CNTNAP2: variants seen among roughly 807,000 people sequenced by gnomAD.
CNTNAP2 encodes the protein contactin associated protein 2.
CNTNAP2 carries 98 observed loss-of-function variants against 155.2 expected under a neutral mutation model. That is an observed-to-expected ratio of 0.63 (90% CI 0.54 to 0.75). CNTNAP2 has a LOEUF of 0.75. Ranked by LOEUF, CNTNAP2 falls within the 30% of genes least tolerant of loss-of-function variation. The pLI is 0.00. For missense variants in CNTNAP2, 1,727 were observed against 1,688.1 expected, an observed-to-expected ratio of 1.02 and a Z score of -0.40; for synonymous variants, 651 against 631.2, an observed-to-expected ratio of 1.03 and a Z score of -0.47.
chr7:147,422,281 C>T (rs1050968373), intron 10 of CNTNAP2, among the ~76,000 whole-genome samples: 7 of 150,202 alleles, frequency 4.7e-5, no homozygotes, highest in Non-Finnish European at 7.4e-5. Flanking sequence ...TATATACACA[C>T]ACACTGAGCA....
intron 1 of CNTNAP2, among the ~76,000 whole-genome samples, chr7:146,264,676 G>C (rs1438507353): frequency 6.6e-6 from 1 of 152,286 alleles, no homozygotes; most frequent in East Asian, 1.9e-4. Flanking sequence ...TGAAATAATA[G>C]GGTAAAGTGC....
chr7:146,730,213 T>G (rs1801499715), intron 1 of CNTNAP2, among the ~76,000 whole-genome samples: 1 of 152,080 alleles, frequency 6.6e-6, no homozygotes, highest in African/African-American at 2.4e-5. Context: ...AATAAATAGA[T>G]TTTATAACTT....
intron 1 of CNTNAP2, among the ~76,000 whole-genome samples, chr7:146,310,710 C>G (rs1800805230): frequency 6.6e-6 from 1 of 152,106 alleles, no homozygotes; most frequent in Non-Finnish European, 1.5e-5. Context: ...AAAGTAGCAA[C>G]TTGTAGTCAG....
intron 1 of CNTNAP2, among the ~76,000 whole-genome samples, chr7:146,386,509 C>T (rs1466857035): frequency 1.3e-5 from 2 of 152,208 alleles, no homozygotes; most frequent in Non-Finnish European, 2.9e-5. Context: ...CTACCTCAGC[C>T]TCCCGAGTAG....
chr7:148,369,254 A>G (rs1008001023), intron 21 of CNTNAP2, among the ~76,000 whole-genome samples: 1 of 114,582 alleles, frequency 8.7e-6, no homozygotes, highest in East Asian at 3.0e-4. Flanking sequence ...GCTGGAACGC[A>G]GTGCTGTGAT....
intron 18 of CNTNAP2, among the ~76,000 whole-genome samples, chr7:148,184,070 A>G (rs1795080128): frequency 1.3e-5 from 2 of 152,076 alleles, no homozygotes; most frequent in Non-Finnish European, 2.9e-5. Flanking sequence ...AACCTAGTGG[A>G]CACCTTCCCC....
chr7:147,603,795 G>A (rs1175224039), intron 12 of CNTNAP2, among the ~76,000 whole-genome samples: 2 of 152,272 alleles, frequency 1.3e-5, no homozygotes, highest in Middle Eastern at 3.4e-3. Flanking sequence ...CAAAGCTGGA[G>A]GCATCATGCT....
chr7:146,431,044 C>T (rs1796166363), intron 1 of CNTNAP2, among the ~76,000 whole-genome samples: 1 of 151,912 alleles, frequency 6.6e-6, no homozygotes, highest in South Asian at 2.1e-4. Flanking sequence ...ACAGTATCAT[C>T]CTCAGTGTTA....
At chr7:147,197,729 T>C (rs1802834497) in intron 8 of CNTNAP2, among the ~76,000 whole-genome samples, 1 of 152,256 alleles carries the variant, frequency 6.6e-6, no homozygotes, top group Admixed American at 6.5e-5. Flanking sequence ...CTGACTCTTC[T>C]AACTTATAAA....
At chr7:146,837,909 C>A (rs1435945419) in intron 2 of CNTNAP2, among the ~76,000 whole-genome samples, 2 of 152,152 alleles carry the variant, frequency 1.3e-5, no homozygotes, top group Non-Finnish European at 2.9e-5. Context: ...CAGCTCTGTG[C>A]AACCTCTGGT....
At chr7:147,943,332 G>A (rs1800758910) in intron 14 of CNTNAP2, among the ~76,000 whole-genome samples, 1 of 152,152 alleles carries the variant, frequency 6.6e-6, no homozygotes, top group Non-Finnish European at 1.5e-5. Context: ...ATGAAATGAT[G>A]TCCAGTTATA....
chr7:146,476,899 C>T (rs935964737), intron 1 of CNTNAP2, among the ~76,000 whole-genome samples: 15 of 152,062 alleles, frequency 9.9e-5, no homozygotes, highest in South Asian at 2.1e-4. Context: ...CATACACTGC[C>T]GCTTCCCAAA....
intron 1 of CNTNAP2, among the ~76,000 whole-genome samples, chr7:146,356,850 T>G (rs930337503): frequency 6.6e-6 from 1 of 152,114 alleles, no homozygotes; most frequent in Non-Finnish European, 1.5e-5. Flanking sequence ...CTACTTTCCA[T>G]TTTCCTTTAA....
chr7:147,606,086 G>GTACATCCC (rs147327618), intron 12 of CNTNAP2, among the ~76,000 whole-genome samples: 4,244 of 152,194 alleles, frequency 0.028, 77 homozygotes, highest in Non-Finnish European at 0.044. Flanking sequence ...TGTTCGTACA[G>GTACATCCC]TACATCCCTA....
At chr7:147,584,181 A>G (rs1459260524) in intron 12 of CNTNAP2, among the ~76,000 whole-genome samples, 1 of 152,206 alleles carries the variant, frequency 6.6e-6, no homozygotes, top group East Asian at 1.9e-4. Context: ...TATGCACAAA[A>G]GTGATATAAT....
chr7:147,780,122 G>A (rs1797641998), intron 13 of CNTNAP2, among the ~76,000 whole-genome samples: 1 of 152,160 alleles, frequency 6.6e-6, no homozygotes, highest in Non-Finnish European at 1.5e-5. Context: ...TAGAGGATGA[G>A]ACAGAATATA....
intron 15 of CNTNAP2, among the ~76,000 whole-genome samples, chr7:148,104,969 TA>T (rs899195719): frequency 3.9e-5 from 6 of 152,082 alleles, no homozygotes; most frequent in South Asian, 4.2e-4. Flanking sequence ...TCAAATTTAT[TA>T]AAAAAAACAC....
intron 12 of CNTNAP2, among the ~76,000 whole-genome samples, chr7:147,621,441 A>G (rs1299302759): frequency 6.6e-6 from 1 of 152,090 alleles, no homozygotes; most frequent in Non-Finnish European, 1.5e-5. Flanking sequence ...GAAGACATAG[A>G]CAGTACAATA....
chr7:146,444,138 T>C (rs1796367341), intron 1 of CNTNAP2, among the ~76,000 whole-genome samples: 2 of 152,064 alleles, frequency 1.3e-5, no homozygotes, highest in South Asian at 4.1e-4. Context: ...GTTCAAGCAA[T>C]TCTTCTGTCT....
Sources: gnomAD v4.1 joint callset for allele counts (sites outside exome capture counted in the v4.1 genomes callset) on GRCh38, gnomAD v4.1.1 for gene constraint, MANE v1.5 for transcripts, NCBI Gene and HGNC (gene_info 2026-07-23, HGNC 2026-07-21) for gene names.